Variants in ACSL6 observed in about 807,000 individuals in gnomAD.
ACSL6 encodes the protein acyl-CoA synthetase long chain family member 6.
Under a neutral mutation model 98.2 loss-of-function variants are expected in ACSL6, and 47 were observed. The ratio of observed to expected loss-of-function variants is 0.48; its 90% confidence interval spans 0.38 to 0.61. ACSL6 has a LOEUF of 0.61. Among genes scored for constraint, ACSL6 ranks in the 20% least tolerant of loss-of-function variants. The pLI is 0.00. For synonymous variants in ACSL6, 362 were observed against 336.9 expected (o/e 1.07, Z -0.82); for missense variants, 761 against 913.4 (o/e 0.83, Z 2.15).
At chr5:131,981,472 C>T (rs536773311) in intron 9 of ACSL6, among the ~76,000 whole-genome samples, 127 of 152,108 alleles carry the variant, frequency 8.3e-4, no homozygotes, top group African/African-American at 2.9e-3. Flanking sequence ...AGAACATCAA[C>T]CAGCATCCCA....
At position 131,952,769 on chromosome 5, in the gene ACSL6, C is replaced by T. The variant is rs1043842869; in HGVS notation, c.*1465G>A. ...AAAGGAGGTTTTAGTGGTTAAACTT[C>T]GGCACGCTTAAAGATTTTAGGAATG... On this transcript the variant is annotated 3_prime_UTR_variant, in exon 21 of 21. Transcript: ENST00000651883. 4.1e-5 allele frequency: 9 copies of T among 218,538 alleles called. No individual in the cohort carries two copies. The highest frequency in any genetic ancestry group is 2.0e-4 in the East Asian group (3 of 14,732). 13.5% of individuals were successfully genotyped at this position (218,538 alleles called of 1,614,324 possible). A position where few individuals can be genotyped will look rare whatever the true frequency, so the allele number is the denominator to read the frequency against.
In ACSL6 at chr5:131,985,441, G is replaced by T; in HGVS notation, c.882C>A (p.Asp294Glu). The part of the protein sequence containing the change: ...HQAPVPPQPD[D>E]LSIVCFTSGT... ...CGCTTGTGAAACACACAATGGAGAG[G>T]TCATCAGGCTGCGGGGGCTGCAGGG... The change falls in exon 9 of 21, where the codon GAC becomes GAA. Residue 294 changes from aspartate (D) to glutamate (E), a missense_variant. Coordinates refer to ENST00000651883, the MANE Select transcript of ACSL6 (RefSeq NM_001009185.3). The T allele has an allele frequency of 1.2e-6, 2 of 1,614,022 alleles. No homozygotes were observed. Among genetic ancestry groups the T allele is most frequent in the Non-Finnish European group, 1.7e-6 (2 of 1,180,018 alleles).
intron 10 of ACSL6, 197 bp from the exon 11 acceptor site, chr5:131,975,167 AG>A: frequency 1.5e-6 from 2 of 1,334,718 alleles, no homozygotes; most frequent in South Asian, 1.6e-5. Flanking sequence ...AGAGAGAGGG[AG>A]GGGGAAGGTG....
rs1752774524 is a variant in ACSL6 at position 131,962,670 on chromosome 5, A to C, written c.1722T>G (p.Thr574=). 1 of 1,614,088 alleles carries C rather than the reference A, an allele frequency of 6.2e-7. No individual in the cohort carries two copies. ...GDIGKWLPAG[T]LKIIDRKKHI... ...GCTTTTTCCGATCAATAATTTTAAG[A>C]GTTCCTGCCTGTAGAGTTGGACAAA... Residue 574 remains threonine (T), a synonymous_variant, in exon 18 of 21, where the codon ACT becomes ACG. Transcript: ENST00000651883.
chr5:131,971,183 T>G (rs962018858), intron 14 of ACSL6, among the ~76,000 whole-genome samples: 5 of 152,212 alleles, frequency 3.3e-5, no homozygotes, highest in Non-Finnish European at 7.3e-5. Context: ...TCCCTTGTTC[T>G]CCTTTTCTGG....
intron 1 of ACSL6, among the ~76,000 whole-genome samples, chr5:132,010,824 T>TG (rs1290808570): frequency 6.6e-6 from 1 of 151,674 alleles, no homozygotes; most frequent in Non-Finnish European, 1.5e-5. Context: ...TGTGGGTGTA[T>TG]GGGGGGTTGA....
Position 132,011,635 on chromosome 5 carries a change from A to T in ACSL6, c.-82T>A. ...AGCCCCGCAGCCCAGCAGCCCCAGC[A>T]GTAGCCGCGCCGCCGCCGCCGCTGC... On this transcript the variant is annotated 5_prime_UTR_variant, in exon 1 of 21. Transcript: ENST00000651883. This position sits in a 1 kb window ranked among gnomAD's most constrained non-coding sequence, Gnocchi z 5.4. The T allele has an allele frequency of 7.9e-7, 1 of 1,267,028 alleles. No homozygotes were observed. The highest frequency in any genetic ancestry group is 1.0e-6 in the Non-Finnish European group (1 of 1,004,788). The allele number at this position is 1,267,028 out of a possible 1,614,324, so 78.5% of individuals were successfully genotyped here.
At chr5:131,999,484 G>C (rs370655333) in intron 1 of ACSL6, 3 of 152,220 alleles carry the variant, frequency 2.0e-5, no homozygotes, top group East Asian at 3.9e-4. Flanking sequence ...CCCTTTATAG[G>C]GCCTGTGGGG....
rs545553177 is a variant in ACSL6, at chr5:131,975,394, G to C, written c.991-424C>G. On this transcript the variant is annotated intron_variant, in intron 10 of 20. Coordinates refer to ENST00000651883, the MANE Select transcript of ACSL6 (RefSeq NM_001009185.3). Reference sequence around the variant, plus strand: ...CTCCCCTTCCTCCCCACACCTGCAGGACCTGCCCCACACCCCATTTCTCCA... The same window carrying C: ...CTCCCCTTCCTCCCCACACCTGCAGCACCTGCCCCACACCCCATTTCTCCA... 7.1e-6 allele frequency: 7 copies of C among 985,378 alleles called. No homozygotes were observed. In the Admixed American group the frequency reaches 3.1e-4, roughly 43 times the overall value. 61.0% of individuals were successfully genotyped at this position (985,378 alleles called of 1,614,324 possible).
Position 131,966,419 on chromosome 5 carries a change from C to T in ACSL6, c.1710G>A (p.Leu570=). Residue 570 remains leucine, a synonymous_variant, in exon 17 of 21, where the codon CTG becomes CTA. Transcript: ENST00000651883. ...CCGTGGTTCCAAACATACACACCGG[C>T]AGCCATTTTCCGATGTCTCCAGTGT... ...WLHTGDIGKW[L]PAGTLKIIDR... 3 of 1,614,106 alleles carry T rather than the reference C, an allele frequency of 1.9e-6. No individual in the cohort carries two copies. The highest frequency in any genetic ancestry group is 2.5e-6 in the Non-Finnish European group (3 of 1,180,008).
At chr5:131,970,599 C>T (rs756021970) in intron 14 of ACSL6, among the ~76,000 whole-genome samples, 8 of 151,872 alleles carry the variant, frequency 5.3e-5, no homozygotes, top group Non-Finnish European at 1.0e-4. Context: ...TTAGTAGAGA[C>T]GGGGTTTCAT....
intron 9 of ACSL6, among the ~76,000 whole-genome samples, chr5:131,981,341 A>C (rs980690894): frequency 5.3e-5 from 8 of 152,072 alleles, no homozygotes; most frequent in South Asian, 2.1e-4. Context: ...AAAAAAAAAA[A>C]AAAACACAAC....
chr5:131,963,135 G>A (rs1752801684), intron 17 of ACSL6, among the ~76,000 whole-genome samples: 2 of 152,248 alleles, frequency 1.3e-5, no homozygotes, highest in South Asian at 2.1e-4. Flanking sequence ...CACCCCTAAA[G>A]AGCAGCCTCT....
Position 131,988,094 on chromosome 5 carries a change from C to T in ACSL6, c.785G>A (p.Arg262Lys), listed in dbSNP as rs762444882. The change falls in exon 7 of 21, where the codon AGA (arginine) becomes AAA (lysine). Residue 262 changes from arginine to lysine, a missense_variant. Physicochemically the swap from Arg to Lys is conservative, Grantham distance 26 (BLOSUM62 2). Transcript: ENST00000651883. Reference protein sequence around the residue: ...MDPFEEALKERGQKCGVVIKS... With the variant: ...MDPFEEALKEKGQKCGVVIKS... The stretch of plus-strand genomic sequence containing the variant: ...AATGACCACCCCGCACTTCTGCCCT[C>T]TCTCTTTCAGGGCTTCTTCGAATGG... 7 of 1,614,100 alleles carry T rather than the reference C, an allele frequency of 4.3e-6. No individual in the cohort carries two copies. The East Asian group carries it at 1.1e-4, about 26-fold the overall frequency.
intron 15 of ACSL6, 194 bp from the exon 16 acceptor site, chr5:131,968,222 CT>C: frequency 1.8e-6 from 1 of 547,742 alleles, no homozygotes. Context: ...AAAGGCCAAT[CT>C]CTGCCTGGGC....
rs150126558 is a variant in ACSL6, at chr5:131,954,926, C to G, written c.2032-555G>C. ...AATGTCAGCGTGTGAAAAGGGAACT[C>G]TAAGTGGTTTCTTGTTCCATAAAAT... On this transcript the variant is annotated intron_variant, in intron 20 of 20. Coordinates refer to ENST00000651883, the MANE Select transcript of ACSL6 (RefSeq NM_001009185.3). Among the ~76,000 whole-genome samples the G allele has an allele frequency of 4.4e-3, 669 of 152,224 alleles. 12 individuals carry two copies. The highest frequency in any genetic ancestry group is 0.016 in the African/African-American group (650 of 41,552).
chr5:131,970,283 C>T, intron 14 of ACSL6, 83 bp from the exon 15 acceptor site: 1 of 1,269,108 alleles, frequency 7.9e-7, no homozygotes. Context: ...AGCTAACCTC[C>T]CACTGAGCGT....
chr5:131,972,856 G>A lies in ACSL6; in HGVS notation c.1206C>T (p.Ile402=), dbSNP rs1270860237. The change falls in exon 13 of 21, where the codon ATC becomes ATT. Residue 402 remains isoleucine (I), a splice_region_variant and synonymous_variant. Transcript: ENST00000651883. ...PRLLNRMYDK[I]FSQANTPLKR... is the part of the protein sequence containing the mutation. ...TTAATGGTGTGTTTGCCTGGCTGAA[G>A]ATCTGAGGAACATAAGTTGGAAGCA... is the stretch of plus-strand genomic sequence containing the variant. 1 of 1,614,146 alleles carries A rather than the reference G, an allele frequency of 6.2e-7. No individual in the cohort carries two copies. Among genetic ancestry groups the A allele is most frequent in the Admixed American group, 1.7e-5 (1 of 60,014 alleles).
At chr5:131,978,494 G>A (rs182211397) in intron 9 of ACSL6, among the ~76,000 whole-genome samples, 2 of 152,300 alleles carry the variant, frequency 1.3e-5, no homozygotes, top group East Asian at 1.9e-4. Context: ...ACATCAGAGA[G>A]GAACAGAGGA....
Sources: allele counts gnomAD v4.1 joint callset (sites outside exome capture counted in the v4.1 genomes callset), GRCh38; gene constraint gnomAD v4.1.1; non-coding constraint Gnocchi (gnomAD v3.1); transcripts MANE v1.5; gene names NCBI Gene and HGNC (gene_info 2026-07-23, HGNC 2026-07-21).